Variants in SPAG16 observed in about 807,000 individuals in gnomAD.
SPAG16 encodes the protein sperm-associated antigen 16 protein.
In SPAG16, 86 loss-of-function variants were observed where a neutral mutation model predicts 80.4. The observed-to-expected ratio is 1.07, with a 90% CI of 0.90 to 1.28. The LOEUF is 1.28. Ranked by LOEUF, SPAG16 falls within the 50% of genes most tolerant of loss-of-function variation. The pLI, the probability that SPAG16 is intolerant of heterozygous loss-of-function variation, is 0.00. For synonymous variants in SPAG16, 294 were observed against 265.9 expected (o/e 1.11, Z -1.03); for missense variants, 870 against 765.3 (o/e 1.14, Z -1.61).
At chr2:213,772,115 C>A (rs1219464864) in intron 10 of SPAG16, among the ~76,000 whole-genome samples, 1 of 152,090 alleles carries the variant, frequency 6.6e-6, no homozygotes, top group African/African-American at 2.4e-5. Flanking sequence ...CCTCTTATTT[C>A]CTTGAGCAGT....
chr2:213,447,749 G>A (rs981154410), intron 9 of SPAG16, among the ~76,000 whole-genome samples: 1 of 152,158 alleles, frequency 6.6e-6, no homozygotes, highest in Non-Finnish European at 1.5e-5. Context: ...GCAAACTTTG[G>A]ACGAATAATC....
chr2:213,381,248 A>G (rs1174610665), intron 9 of SPAG16, among the ~76,000 whole-genome samples: 3 of 152,198 alleles, frequency 2.0e-5, no homozygotes, highest in Non-Finnish European at 4.4e-5. Flanking sequence ...CTCCATGTAA[A>G]TGACTGCTGT....
chr2:213,450,535 T>G (rs976744835), intron 9 of SPAG16, among the ~76,000 whole-genome samples: 1 of 152,250 alleles, frequency 6.6e-6, no homozygotes, highest in East Asian at 1.9e-4. Flanking sequence ...TGTGATTTCA[T>G]AAAGTTTTTA....
At chr2:214,100,961 A>G (rs1040498449) in intron 13 of SPAG16, among the ~76,000 whole-genome samples, 1 of 152,142 alleles carries the variant, frequency 6.6e-6, no homozygotes, top group Non-Finnish European at 1.5e-5. Flanking sequence ...AATTTTTTCA[A>G]AAGAATATGG....
chr2:214,146,415 C>T (rs993257894), intron 14 of SPAG16, among the ~76,000 whole-genome samples: 2 of 152,206 alleles, frequency 1.3e-5, no homozygotes, highest in Non-Finnish European at 2.9e-5. Context: ...TCTTCCATTG[C>T]TTTCTGTCTT....
At chr2:213,687,087 ATT>A (rs1359199772) in intron 10 of SPAG16, among the ~76,000 whole-genome samples, 1 of 151,384 alleles carries the variant, frequency 6.6e-6, no homozygotes. Context: ...TTTTATGTAT[ATT>A]GTTACCTTAT....
In SPAG16 at chr2:213,860,898, A is replaced by C. The variant is rs548699753; in HGVS notation, c.1071-1587A>C. Among the ~76,000 whole-genome samples, 21 of 152,312 alleles carry C rather than the reference A, an allele frequency of 1.4e-4. 1 individual carries two copies. The South Asian group carries it at 4.1e-3, about 30-fold the overall frequency. On this transcript the variant is annotated intron_variant, in intron 10 of 15. Transcript: ENST00000331683. ...TCATACTCAGTAGCTTCAAGGATTC[A>C]GTTTGCCTTCTTGTGTGTATTTGAA...
chr2:213,793,692 G>T (rs1036428106), intron 10 of SPAG16, among the ~76,000 whole-genome samples: 1 of 152,136 alleles, frequency 6.6e-6, no homozygotes, highest in Non-Finnish European at 1.5e-5. Context: ...GATGTTAAAT[G>T]AATAAAGTAA....
chr2:214,034,324 A>G (rs977767519), intron 13 of SPAG16, among the ~76,000 whole-genome samples: 3 of 152,204 alleles, frequency 2.0e-5, no homozygotes, highest in African/African-American at 4.8e-5. Flanking sequence ...AAAATATCTT[A>G]TTATTTTCAC....
intron 10 of SPAG16, among the ~76,000 whole-genome samples, chr2:213,577,259 A>G (rs1192009077): frequency 2.0e-5 from 3 of 152,176 alleles, no homozygotes; most frequent in African/African-American, 7.2e-5. Flanking sequence ...CCAGAAGTAC[A>G]TCCTTGGTCT....
intron 9 of SPAG16, among the ~76,000 whole-genome samples, chr2:213,417,028 T>A (rs2069297278): frequency 6.6e-6 from 1 of 152,170 alleles, no homozygotes; most frequent in Admixed American, 6.5e-5. Context: ...AACTCTGGGA[T>A]GATTAAAGCA....
At chr2:214,039,109 A>C (rs1453183207) in intron 13 of SPAG16, among the ~76,000 whole-genome samples, 2 of 152,154 alleles carry the variant, frequency 1.3e-5, no homozygotes, top group Non-Finnish European at 2.9e-5. Context: ...ATCCCTGAGG[A>C]ATCGCCACAC....
intron 14 of SPAG16, among the ~76,000 whole-genome samples, chr2:214,147,218 A>G (rs2055690146): frequency 6.6e-6 from 1 of 152,154 alleles, no homozygotes; most frequent in Non-Finnish European, 1.5e-5. Context: ...CATATTATCA[A>G]ACTATTGCAC....
At position 214,073,116 on chromosome 2, in the gene SPAG16, T is replaced by G. The variant is rs2050877784; in HGVS notation, c.1528-35080T>G. 1.3e-5 allele frequency among the ~76,000 whole-genome samples: 2 copies of G among 151,814 alleles called. 1 individual carries two copies. The highest frequency in any genetic ancestry group is 4.2e-4 in the South Asian group (2 of 4,816). On this transcript the variant is annotated intron_variant, in intron 13 of 15. Coordinates refer to ENST00000331683, the MANE Select transcript of SPAG16 (RefSeq NM_024532.5). ...TAACAAACAACTAGAAAATTAAATA[T>G]AAAGTAAGATAACACTTAAAGTAGC... is the stretch of plus-strand genomic sequence containing the variant.
Position 213,799,567 on chromosome 2 carries a change from T to G in SPAG16, c.1071-62918T>G, listed in dbSNP as rs566924044. 3.3e-5 allele frequency among the ~76,000 whole-genome samples: 5 copies of G among 152,264 alleles called. No homozygotes were observed. The South Asian group carries it at 6.2e-4, about 19-fold the overall frequency. On this transcript the variant is annotated intron_variant, in intron 10 of 15. Transcript: ENST00000331683. ...TAATTCTGACATTCTGATGTAATTT[T>G]TTTATTTTAACAAATTTTTGCACAA... is the stretch of plus-strand genomic sequence containing the variant.
chr2:213,996,605 G>C (rs1459807240), intron 12 of SPAG16, among the ~76,000 whole-genome samples: 1 of 123,512 alleles, frequency 8.1e-6, no homozygotes, highest in East Asian at 2.3e-4. Flanking sequence ...GTCTCTCCCT[G>C]TCACTCAGGC....
intron 13 of SPAG16, among the ~76,000 whole-genome samples, chr2:214,059,533 T>G (rs1431928486): frequency 6.6e-6 from 1 of 151,978 alleles, no homozygotes; most frequent in East Asian, 1.9e-4. Flanking sequence ...ATACCTGGCC[T>G]TTTCTAATTT....
rs139619135 is a variant in SPAG16 at position 213,437,639 on chromosome 2, T to A, written c.943-52324T>A. 2.8e-4 allele frequency among the ~76,000 whole-genome samples: 43 copies of A among 152,334 alleles called. No homozygotes were observed. In the South Asian group the frequency reaches 8.5e-3, roughly 30 times the overall value. ...AGATGTTTGACTTATTCTGCTACAG[T>A]GACCTTTACTTTTTACCCCAATCCC... On this transcript the variant is annotated intron_variant, in intron 9 of 15. Transcript: ENST00000331683.
At chr2:213,511,335 T>C (rs953785914) in intron 10 of SPAG16, among the ~76,000 whole-genome samples, 3 of 152,108 alleles carry the variant, frequency 2.0e-5, no homozygotes, top group African/African-American at 7.2e-5. Context: ...AAAACTAACA[T>C]GATTTGAAGG....
Sources: allele counts gnomAD v4.1 joint callset (sites outside exome capture counted in the v4.1 genomes callset), GRCh38; gene constraint gnomAD v4.1.1; transcripts MANE v1.5; gene names NCBI Gene and HGNC (gene_info 2026-07-23, HGNC 2026-07-21).